Variants in CCDC62 observed in about 807,000 individuals in gnomAD.
CCDC62 encodes the protein coiled-coil domain containing 62.
Under a neutral mutation model 80.8 loss-of-function variants are expected in CCDC62, and 72 were observed. The ratio of observed to expected loss-of-function variants is 0.89; its 90% confidence interval spans 0.74 to 1.08. The LOEUF is 1.08. CCDC62 is among the 50% of genes least tolerant of loss of function. The probability of loss-of-function intolerance (pLI) is 0.00; values close to 1 mark genes in which losing one functional copy is unlikely to be tolerated. For synonymous variants in CCDC62, 286 were observed against 296.5 expected, an observed-to-expected ratio of 0.96 and a Z score of 0.36; for missense variants, 704 against 809.4, an observed-to-expected ratio of 0.87 and a Z score of 1.58.
At chr12:122,817,075 A>G (rs2032197156) in intron 11 of CCDC62, among the ~76,000 whole-genome samples, 1 of 132,478 alleles carries the variant, frequency 7.5e-6, no homozygotes, top group Non-Finnish European at 1.5e-5. Flanking sequence ...GTTTTGAGAC[A>G]GAGTCTTGCT....
In CCDC62 at chr12:122,798,189, T is replaced by C. The variant is rs2135554641; in HGVS notation, c.966T>C (p.Ala322=). The change falls in exon 8 of 13, where the codon GCT becomes GCC. Residue 322 remains alanine, a synonymous_variant. Coordinates refer to ENST00000253079, the MANE Select transcript of CCDC62 (RefSeq NM_201435.5). ...ACTCAAAGATGGAGGAATCAAAGGC[T>C]CTGGACTCCAGGTAATCTTAGCAAG... The part of the protein sequence containing the change: ...MYDSKMEESK[A]LDSSRDMCLS... The C allele has an allele frequency of 6.7e-7, 1 of 1,495,384 alleles. No homozygotes were observed. The highest frequency in any genetic ancestry group is 9.3e-7 in the Non-Finnish European group (1 of 1,073,466). 92.6% of individuals were successfully genotyped at this position (1,495,384 alleles called of 1,614,324 possible). A position where few individuals can be genotyped will look rare whatever the true frequency, so the allele number is the denominator to read the frequency against.
intron 11 of CCDC62, among the ~76,000 whole-genome samples, chr12:122,822,393 T>C (rs989632590): frequency 2.6e-5 from 4 of 151,718 alleles, no homozygotes; most frequent in Non-Finnish European, 4.4e-5. Context: ...CGTGAGCCAC[T>C]GCACCTGGCC....
intron 4 of CCDC62, among the ~76,000 whole-genome samples, chr12:122,786,466 G>C (rs2030242192): frequency 6.6e-6 from 1 of 151,642 alleles, no homozygotes; most frequent in African/African-American, 2.4e-5. Context: ...TTTTAATGGA[G>C]AGAAAAACCA....
At chr12:122,798,784 AAAAT>A (rs2031120875) in intron 8 of CCDC62, among the ~76,000 whole-genome samples, 2 of 151,824 alleles carry the variant, frequency 1.3e-5, no homozygotes, top group African/African-American at 2.4e-5. Flanking sequence ...TCCGTCTCAA[AAAAT>A]AAATAAATAG....
chr12:122,825,041 G>A (rs763787460), intron 12 of CCDC62, among the ~76,000 whole-genome samples: 19 of 150,822 alleles, frequency 1.3e-4, no homozygotes, highest in African/African-American at 2.7e-4. Context: ...AGCCGAGATC[G>A]TGCCATTGCA....
chr12:122,794,984 G>T (rs1442967175), intron 6 of CCDC62, among the ~76,000 whole-genome samples: 1 of 151,936 alleles, frequency 6.6e-6, no homozygotes, highest in African/African-American at 2.4e-5. Context: ...GCCCAAAAAA[G>T]AATTTTTAAA....
At chr12:122,808,141 A>G (rs1244302428) in intron 10 of CCDC62, among the ~76,000 whole-genome samples, 1 of 152,124 alleles carries the variant, frequency 6.6e-6, no homozygotes, top group Non-Finnish European at 1.5e-5. Flanking sequence ...TACTAAAAAT[A>G]CAAAAATGAG....
intron 6 of CCDC62, among the ~76,000 whole-genome samples, chr12:122,792,672 C>T (rs913077766): frequency 6.6e-5 from 10 of 152,044 alleles, no homozygotes; most frequent in Non-Finnish European, 1.3e-4. Context: ...GCGCATGCTA[C>T]CATGCCCGGC....
At chr12:122,820,933 A>G (rs772562402) in intron 11 of CCDC62, among the ~76,000 whole-genome samples, 48 of 151,866 alleles carry the variant, frequency 3.2e-4, no homozygotes, top group Non-Finnish European at 6.5e-4. Flanking sequence ...GACTGGAAGC[A>G]CCCTTGGGTG....
At position 122,808,625 on chromosome 12, in the gene CCDC62, C is replaced by T. The variant is rs151283091; in HGVS notation, c.1851+2330C>T. On this transcript the variant is annotated intron_variant, in intron 10 of 12. Coordinates refer to ENST00000253079, the MANE Select transcript of CCDC62 (RefSeq NM_201435.5). ...TACTGCAATCTCAAACTCCTGGGCT[C>T]AAGTAATCCTCCCACTGCAGCCTCC... 1.8e-3 allele frequency among the ~76,000 whole-genome samples: 276 copies of T among 152,082 alleles called. 1 individual carries two copies. Among genetic ancestry groups the T allele is most frequent in the African/African-American group, 6.0e-3 (250 of 41,496 alleles).
At chr12:122,791,911 C>G in intron 5 of CCDC62, 109 bp from the exon 6 acceptor site, 1 of 739,900 alleles carries the variant, frequency 1.4e-6, no homozygotes, top group Non-Finnish European at 2.4e-6. Flanking sequence ...TCTATAGATC[C>G]ATCAGGACCG....
chr12:122,818,165 G>C (rs1300075972), intron 11 of CCDC62, among the ~76,000 whole-genome samples: 1 of 151,614 alleles, frequency 6.6e-6, no homozygotes, highest in African/African-American at 2.4e-5. Context: ...AAAATTAGCT[G>C]GATGTGGCCA....
At chr12:122,819,016 C>T (rs981251491) in intron 11 of CCDC62, among the ~76,000 whole-genome samples, 9 of 152,056 alleles carry the variant, frequency 5.9e-5, no homozygotes, top group African/African-American at 1.7e-4. Flanking sequence ...GAAAAATGAC[C>T]GAATCTCTTT....
At chr12:122,814,796 C>A (rs151149089) in intron 11 of CCDC62, among the ~76,000 whole-genome samples, 399 of 152,008 alleles carry the variant, frequency 2.6e-3, no homozygotes, top group African/African-American at 9.0e-3. Flanking sequence ...GCATGAGCCA[C>A]CCTGCCCGGC....
At chr12:122,802,505 C>T (rs1378133050) in intron 9 of CCDC62, among the ~76,000 whole-genome samples, 5 of 151,224 alleles carry the variant, frequency 3.3e-5, no homozygotes, top group Admixed American at 3.3e-4. Context: ...CCTCCGCCTC[C>T]TGGGTTCAAG....
chr12:122,813,731 A>G (rs925339349), intron 11 of CCDC62, among the ~76,000 whole-genome samples: 14 of 152,068 alleles, frequency 9.2e-5, no homozygotes, highest in African/African-American at 3.1e-4. Flanking sequence ...ATCTCAGCTC[A>G]TTGCAACCTC....
intron 11 of CCDC62, among the ~76,000 whole-genome samples, chr12:122,822,479 T>G (rs1389857659): frequency 6.6e-6 from 1 of 151,868 alleles, no homozygotes; most frequent in Non-Finnish European, 1.5e-5. Flanking sequence ...TAATTGAAAC[T>G]TTGTACCTTT....
chr12:122,787,741 C>T (rs2030349353), intron 4 of CCDC62, among the ~76,000 whole-genome samples: 1 of 149,202 alleles, frequency 6.7e-6, no homozygotes, highest in South Asian at 2.1e-4. Flanking sequence ...CAGAGCGAGA[C>T]TTCATCTGGA....
At chr12:122,786,391 G>A (rs1030369819) in intron 4 of CCDC62, among the ~76,000 whole-genome samples, 4 of 151,674 alleles carry the variant, frequency 2.6e-5, no homozygotes, top group South Asian at 4.2e-4. Flanking sequence ...CTCGTGATCC[G>A]CCCGCCTCGG....
Sources: gnomAD v4.1 joint callset for allele counts (sites outside exome capture counted in the v4.1 genomes callset) on GRCh38, gnomAD v4.1.1 for gene constraint, MANE v1.5 for transcripts, NCBI Gene and HGNC (gene_info 2026-07-23, HGNC 2026-07-21) for gene names.